The following CAMK1D variants were observed in gnomAD, a reference collection of about 807,000 sequenced individuals.
CAMK1D encodes the protein calcium/calmodulin dependent protein kinase ID.
CAMK1D carries 9 observed loss-of-function variants against 47.7 expected under a neutral mutation model. The observed-to-expected ratio is 0.19, with a 90% confidence interval of 0.11 to 0.33. CAMK1D has a LOEUF of 0.33. Ranked by LOEUF, CAMK1D falls within the 10% of genes least tolerant of loss-of-function variation. CAMK1D has a pLI of 1.00. For missense variants in CAMK1D, 291 were observed against 488.7 expected (o/e 0.60, Z 3.81); for synonymous variants, 184 against 184.9 (o/e 0.99, Z 0.04).
intron 2 of CAMK1D, among the ~76,000 whole-genome samples, chr10:12,565,915 G>T (rs1306054786): frequency 6.6e-6 from 1 of 151,968 alleles, no homozygotes; most frequent in East Asian, 1.9e-4. Flanking sequence ...GGTAGGAGGT[G>T]TTCACTAATG....
At chr10:12,587,746 T>A (rs1837863276) in intron 2 of CAMK1D, among the ~76,000 whole-genome samples, 1 of 152,198 alleles carries the variant, frequency 6.6e-6, no homozygotes, top group South Asian at 2.1e-4. Flanking sequence ...CATATCATTT[T>A]AGAAAAATAT....
intron 3 of CAMK1D, among the ~76,000 whole-genome samples, chr10:12,691,924 T>C (rs1019499440): frequency 7.9e-5 from 12 of 152,174 alleles, no homozygotes; most frequent in African/African-American, 2.9e-4. Context: ...ATGGTATAAA[T>C]GTTGAGGTGG....
chr10:12,453,180 CTTTTTCT>C (rs1180788909), intron 1 of CAMK1D, among the ~76,000 whole-genome samples: 4 of 137,784 alleles, frequency 2.9e-5, no homozygotes, highest in South Asian at 2.3e-4. Context: ...GACTTTTCTT[CTTTTTCT>C]TTTTTCTTTT....
At chr10:12,716,987 T>C (rs1490906779) in intron 3 of CAMK1D, among the ~76,000 whole-genome samples, 1 of 152,210 alleles carries the variant, frequency 6.6e-6, no homozygotes, top group Non-Finnish European at 1.5e-5. Context: ...GAGGATACAC[T>C]GTGATATTTT....
At chr10:12,674,205 G>A (rs953734796) in intron 3 of CAMK1D, among the ~76,000 whole-genome samples, 4 of 152,224 alleles carry the variant, frequency 2.6e-5, no homozygotes, top group Non-Finnish European at 1.5e-5. Flanking sequence ...CTCCCAAAGT[G>A]TTGGGATATG....
intron 1 of CAMK1D, among the ~76,000 whole-genome samples, chr10:12,537,694 C>T (rs932687991): frequency 6.6e-6 from 1 of 152,190 alleles, no homozygotes; most frequent in Non-Finnish European, 1.5e-5. Context: ...TGGAATTGTG[C>T]ACATGGCTGT....
chr10:12,448,570 C>T (rs1317294265), intron 1 of CAMK1D, among the ~76,000 whole-genome samples: 1 of 152,112 alleles, frequency 6.6e-6, no homozygotes, highest in Non-Finnish European at 1.5e-5. Context: ...ATACTACGGA[C>T]TTCTTGCCTA....
chr10:12,418,629 G>A (rs1456300966), intron 1 of CAMK1D, among the ~76,000 whole-genome samples: 1 of 152,086 alleles, frequency 6.6e-6, no homozygotes. Context: ...GTTATGTATT[G>A]CACTCCAACT....
chr10:12,500,577 G>A lies in CAMK1D; in HGVS notation c.93-52648G>A, dbSNP rs1834671627. Among the ~76,000 whole-genome samples, 4 of 152,328 alleles carry A rather than the reference G, an allele frequency of 2.6e-5. No homozygotes were observed. In the South Asian group the frequency reaches 8.3e-4, roughly 32 times the overall value. On this transcript the variant is annotated intron_variant, in intron 1 of 10. Coordinates refer to ENST00000619168, the MANE Select transcript of CAMK1D (RefSeq NM_153498.4). ...TTCTACTGGAAAAGTAAGAAGTTGA[G>A]GTATACAGTAGAAAAGATCAGATTA...
rs117949022 is a variant in CAMK1D, at chr10:12,351,245, G to A, written c.92+1335G>A. On this transcript the variant is annotated intron_variant, in intron 1 of 10. Coordinates refer to ENST00000619168, the MANE Select transcript of CAMK1D (RefSeq NM_153498.4). ...TCCCTGCTGTGGTTGTTGCCTTTCA[G>A]GGAGGGCACCTATTTGCTATCTTTG... Among the ~76,000 whole-genome samples, 3 of 152,270 alleles carry A rather than the reference G, an allele frequency of 2.0e-5. No homozygotes were observed. The East Asian group carries it at 5.8e-4, about 29-fold the overall frequency.
At chr10:12,810,485 G>A (rs1296010841) in intron 6 of CAMK1D, among the ~76,000 whole-genome samples, 1 of 152,154 alleles carries the variant, frequency 6.6e-6, no homozygotes, top group African/African-American at 2.4e-5. Context: ...ATGTTGGCCA[G>A]GCTGGTCTCG....
chr10:12,757,838 A>G (rs1038342238), intron 3 of CAMK1D, among the ~76,000 whole-genome samples: 9 of 144,334 alleles, frequency 6.2e-5, no homozygotes, highest in Admixed American at 4.9e-4. Flanking sequence ...TGATCCCAGC[A>G]TGGGGGCCCT....
At chr10:12,443,670 C>T (rs1231065796) in intron 1 of CAMK1D, among the ~76,000 whole-genome samples, 1 of 151,934 alleles carries the variant, frequency 6.6e-6, no homozygotes, top group South Asian at 2.1e-4. Flanking sequence ...CGTTCTTTTG[C>T]CCAGGCTGGA....
intron 2 of CAMK1D, among the ~76,000 whole-genome samples, chr10:12,559,170 G>A (rs947504372): frequency 6.6e-6 from 1 of 152,070 alleles, no homozygotes; most frequent in Non-Finnish European, 1.5e-5. Context: ...CTAGTCAGGT[G>A]TGGTGGTTGC....
chr10:12,457,937 G>A (rs990061038), intron 1 of CAMK1D, among the ~76,000 whole-genome samples: 1 of 152,152 alleles, frequency 6.6e-6, no homozygotes, highest in East Asian at 1.9e-4. Context: ...AATAGGTGTC[G>A]GAATGCCTCC....
intron 2 of CAMK1D, among the ~76,000 whole-genome samples, chr10:12,600,717 C>A (rs1838276540): frequency 6.6e-6 from 1 of 152,166 alleles, no homozygotes; most frequent in African/African-American, 2.4e-5. Context: ...TTTGGTGTAA[C>A]CATCACCCAA....
At chr10:12,804,836 G>T (rs1406713613) in intron 6 of CAMK1D, among the ~76,000 whole-genome samples, 1 of 141,882 alleles carries the variant, frequency 7.0e-6, no homozygotes, top group Admixed American at 7.3e-5. Flanking sequence ...TACTCAGGAA[G>T]TTGAGGCAGG....
intron 1 of CAMK1D, among the ~76,000 whole-genome samples, chr10:12,400,193 G>A: frequency 6.6e-6 from 1 of 152,206 alleles, no homozygotes. Flanking sequence ...GGAATTTCAA[G>A]GGAGTGGCAA....
chr10:12,449,790 G>A (rs906765228), intron 1 of CAMK1D, among the ~76,000 whole-genome samples: 4 of 152,172 alleles, frequency 2.6e-5, no homozygotes, highest in Non-Finnish European at 5.9e-5. Flanking sequence ...CTGGAGGTTA[G>A]GAATTTGAGA....
Sources: allele counts gnomAD v4.1 joint callset (sites outside exome capture counted in the v4.1 genomes callset), GRCh38; gene constraint gnomAD v4.1.1; transcripts MANE v1.5; gene names NCBI Gene and HGNC (gene_info 2026-07-23, HGNC 2026-07-21).